The following AVL9 variants were observed in gnomAD, a reference collection of about 807,000 sequenced individuals.
AVL9 encodes the protein late secretory pathway protein AVL9 homolog.
Under a neutral mutation model 79.2 loss-of-function variants are expected in AVL9, and 49 were observed. The observed-to-expected ratio is 0.62, with a 90% CI of 0.49 to 0.79. The LOEUF is 0.79. Among genes scored for constraint, AVL9 ranks in the 30% least tolerant of loss-of-function variants. AVL9 has a pLI of 0.00. For synonymous variants in AVL9, 299 were observed against 280.6 expected (o/e 1.07, Z -0.65); for missense variants, 682 against 776.8 (o/e 0.88, Z 1.45).
At chr7:32,571,266 A>C (rs950143182) in intron 11 of AVL9, among the ~76,000 whole-genome samples, 111 of 148,248 alleles carry the variant, frequency 7.5e-4, no homozygotes, top group Admixed American at 1.8e-3. Flanking sequence ...GCAGTGGCTC[A>C]AATCTGTAAT....
intron 15 of AVL9, among the ~76,000 whole-genome samples, chr7:32,581,981 G>A (rs1174805099): frequency 6.6e-6 from 1 of 152,182 alleles, no homozygotes; most frequent in African/African-American, 2.4e-5. Context: ...CAACTCATTG[G>A]ATGAGGCCAA....
At chr7:32,495,882 C>A in intron 1 of AVL9, 80 bp downstream of exon 1, 1 of 949,534 alleles carries the variant, frequency 1.1e-6, no homozygotes, top group Non-Finnish European at 1.4e-6. Flanking sequence ...CTTCTGTGTG[C>A]TCAGCTCGCG....
intron 1 of AVL9, among the ~76,000 whole-genome samples, chr7:32,524,336 C>G (rs1583516056): frequency 6.6e-6 from 1 of 151,904 alleles, no homozygotes; most frequent in South Asian, 2.1e-4. Flanking sequence ...GCCAACATGG[C>G]AAAACCCCGT....
intron 11 of AVL9, among the ~76,000 whole-genome samples, chr7:32,571,346 G>A (rs1790835532): frequency 6.6e-6 from 1 of 151,396 alleles, no homozygotes; most frequent in African/African-American, 2.4e-5. Context: ...TGCCCAACAT[G>A]GTGAAACCCC....
intron 5 of AVL9, among the ~76,000 whole-genome samples, 182 bp downstream of exon 5, chr7:32,551,605 CTTTTTTTTTT>C (rs60271681): frequency 5.3e-5 from 5 of 93,780 alleles, no homozygotes; most frequent in Non-Finnish European, 9.6e-5. Context: ...TTTAACCAAA[CTTTTTTTTTT>C]TTTTTTTTTA....
rs567775530 is a variant in AVL9 at position 32,513,616 on chromosome 7, G to T, written c.93+17814G>T. Among the ~76,000 whole-genome samples, 101 of 152,330 alleles carry T rather than the reference G, an allele frequency of 6.6e-4. 1 individual carries two copies. Among genetic ancestry groups the T allele is most frequent in the Middle Eastern group, 6.8e-3 (2 of 294 alleles). On this transcript the variant is annotated intron_variant, in intron 1 of 15. Coordinates refer to ENST00000318709, the MANE Select transcript of AVL9 (RefSeq NM_015060.3). ...TGTATTGGTGGATGTATTGAAGGGG[G>T]CCTGCCCCTCCACACCTGTGGGTAT...
In AVL9 at chr7:32,587,345, C is replaced by G. The variant is rs2392078; in HGVS notation, c.*3438C>G. The G allele has an allele frequency of 2.6e-5, 4 of 152,146 alleles. No homozygotes were observed. In the South Asian group the frequency reaches 6.2e-4, roughly 24 times the overall value. The allele number at this position is 152,146 out of a possible 1,614,324, so 9.4% of individuals were successfully genotyped here. A position where few individuals can be genotyped will look rare whatever the true frequency, so the allele number is the denominator to read the frequency against. On this transcript the variant is annotated 3_prime_UTR_variant, in exon 16 of 16. Transcript: ENST00000318709. ...CTGCTAGTTACAAGTTTTAAAGTCA[C>G]GCTACGGCATTATCACCCTGGCAGG...
At chr7:32,554,986 T>C (rs1422986209) in intron 8 of AVL9, among the ~76,000 whole-genome samples, 2 of 152,132 alleles carry the variant, frequency 1.3e-5, no homozygotes, top group Non-Finnish European at 1.5e-5. Flanking sequence ...AGTAATTGGG[T>C]TATTTGCTTC....
chr7:32,541,783 C>T (rs1249317725), intron 1 of AVL9, among the ~76,000 whole-genome samples: 2 of 151,316 alleles, frequency 1.3e-5, no homozygotes, highest in African/African-American at 2.4e-5. Context: ...GGCGCAATCT[C>T]GGCTCACTGT....
At chr7:32,513,963 C>G (rs1314148435) in intron 1 of AVL9, among the ~76,000 whole-genome samples, 1 of 152,196 alleles carries the variant, frequency 6.6e-6, no homozygotes, top group Non-Finnish European at 1.5e-5. Context: ...ATAAACATTT[C>G]AGTGCAGTAA....
intron 1 of AVL9, chr7:32,535,106 C>G (rs1788836617): frequency 6.6e-6 from 1 of 152,102 alleles, no homozygotes; most frequent in South Asian, 2.1e-4. Flanking sequence ...GTCTGTTTCC[C>G]AAAATAATCA....
chr7:32,565,029 ATTC>A (rs1790494466), intron 10 of AVL9, among the ~76,000 whole-genome samples: 1 of 152,186 alleles, frequency 6.6e-6, no homozygotes, highest in South Asian at 2.1e-4. Flanking sequence ...CTTTTCTTCC[ATTC>A]TTCCCTGATT....
At chr7:32,549,452 C>G (rs1201675519) in intron 4 of AVL9, among the ~76,000 whole-genome samples, 1 of 151,712 alleles carries the variant, frequency 6.6e-6, no homozygotes, top group Non-Finnish European at 1.5e-5. Flanking sequence ...GTCTCAAACT[C>G]CTGAGCTCAA....
chr7:32,573,181 T>C lies in AVL9; in HGVS notation c.1351-18T>C, dbSNP rs748133585. 6.2e-7 allele frequency: 1 copy of C among 1,608,402 alleles called. No homozygotes were observed. The highest frequency in any genetic ancestry group is 8.5e-7 in the Non-Finnish European group (1 of 1,175,342). On this transcript the variant is annotated intron_variant, in intron 11 of 15. Coordinates refer to ENST00000318709, the MANE Select transcript of AVL9 (RefSeq NM_015060.3). ...GCGTGAATGCCCAGACTCTGACTTG[T>C]ACCTGGATACCCTCTAGGTAGAAGA...
At chr7:32,556,719 A>G (rs1255000672) in intron 8 of AVL9, among the ~76,000 whole-genome samples, 1 of 152,186 alleles carries the variant, frequency 6.6e-6, no homozygotes, top group Non-Finnish European at 1.5e-5. Context: ...TATTAAGTAC[A>G]TTCATGTTAT....
In AVL9 at chr7:32,584,042, A is replaced by T; in HGVS notation, c.*135A>T. On this transcript the variant is annotated 3_prime_UTR_variant, in exon 16 of 16. Coordinates refer to ENST00000318709, the MANE Select transcript of AVL9 (RefSeq NM_015060.3). ...AACTGTTTACATGGATGTTGCTCTA[A>T]GTGAATGTTTCGGGATGCCGAAATG... 1 of 730,914 alleles carries T rather than the reference A, an allele frequency of 1.4e-6. No homozygotes were observed. Among genetic ancestry groups the T allele is most frequent in the East Asian group, 2.7e-5 (1 of 36,996 alleles). The allele number at this position is 730,914 out of a possible 1,614,324, so 45.3% of individuals were successfully genotyped here.
Position 32,570,136 on chromosome 7 carries a change from C to G in AVL9, c.1332C>G (p.Leu444=). 5.6e-6 allele frequency: 9 copies of G among 1,614,190 alleles called. No individual in the cohort carries two copies. The highest frequency in any genetic ancestry group is 7.6e-6 in the Non-Finnish European group (9 of 1,180,024). ...TCCTTTTTCGACAACAGAAACACCT[C>G]AGTGATGCCATTGTGGAAGTACGTT... ...TNILFRQQKH[L]SDAIVEVEEA... The change falls in exon 11 of 16, where the codon CTC becomes CTG. Residue 444 remains leucine (L), a synonymous_variant. Coordinates refer to ENST00000318709, the MANE Select transcript of AVL9 (RefSeq NM_015060.3).
chr7:32,558,852 G>A (rs988166934), intron 9 of AVL9, 77 bp from the exon 10 acceptor site: 26 of 1,269,178 alleles, frequency 2.0e-5, no homozygotes, highest in Non-Finnish European at 2.7e-5. Context: ...TTTTATAGGG[G>A]AGTCTACTAA....
intron 10 of AVL9, among the ~76,000 whole-genome samples, chr7:32,561,827 T>C (rs1458137834): frequency 1.3e-5 from 2 of 152,236 alleles, no homozygotes; most frequent in Non-Finnish European, 2.9e-5. Flanking sequence ...TCAAATAAGA[T>C]GTGAGACTCT....
Sources: allele counts gnomAD v4.1 joint callset (sites outside exome capture counted in the v4.1 genomes callset), GRCh38; gene constraint gnomAD v4.1.1; transcripts MANE v1.5; gene names NCBI Gene and HGNC (gene_info 2026-07-23, HGNC 2026-07-21).